Variants in SNX25 observed in about 807,000 individuals in gnomAD.
SNX25 encodes sorting nexin-25.
Under a neutral mutation model 113.7 loss-of-function variants are expected in SNX25, and 62 were observed. The ratio of observed to expected loss-of-function variants is 0.55; its 90% CI spans 0.44 to 0.67. The LOEUF (loss-of-function observed/expected upper bound fraction) is 0.67. Ranked by LOEUF, SNX25 falls within the 30% of genes least tolerant of loss-of-function variation. SNX25 has a pLI of 0.00. For synonymous variants in SNX25, 421 were observed against 436.2 expected (o/e 0.97, Z 0.43); for missense variants, 1,014 against 1,161.0 (o/e 0.87, Z 1.84).
At chr4:185,253,043 T>A (rs1386616880) in intron 2 of SNX25, among the ~76,000 whole-genome samples, 1 of 151,726 alleles carries the variant, frequency 6.6e-6, no homozygotes, top group Non-Finnish European at 1.5e-5. Flanking sequence ...AAAGCTACAT[T>A]TACCAGAAAA....
At chr4:185,283,383 G>A (rs1032585352) in intron 5 of SNX25, among the ~76,000 whole-genome samples, 2 of 152,204 alleles carry the variant, frequency 1.3e-5, no homozygotes, top group African/African-American at 4.8e-5. Flanking sequence ...AAGGGGAAGT[G>A]ATGGTGTGCA....
intron 6 of SNX25, among the ~76,000 whole-genome samples, chr4:185,294,336 C>T (rs1460991409): frequency 6.6e-6 from 1 of 152,166 alleles, no homozygotes; most frequent in African/African-American, 2.4e-5. Context: ...TTCAAGTTCT[C>T]TTGTGCTGCT....
intron 1 of SNX25, among the ~76,000 whole-genome samples, chr4:185,237,636 G>A (rs1379110705): frequency 1.3e-5 from 2 of 152,066 alleles, no homozygotes; most frequent in African/African-American, 2.4e-5. Context: ...CAGACTAGAC[G>A]CCCACGGCTT....
intron 2 of SNX25, among the ~76,000 whole-genome samples, chr4:185,257,977 T>C (rs1746698687): frequency 6.6e-6 from 1 of 152,166 alleles, no homozygotes; most frequent in South Asian, 2.1e-4. Context: ...TAAATAATTA[T>C]TAATGTACAA....
intron 2 of SNX25, among the ~76,000 whole-genome samples, chr4:185,255,391 C>T (rs142143926): frequency 1.0e-3 from 152 of 152,274 alleles, no homozygotes; most frequent in African/African-American, 3.4e-3. Context: ...GCCTCAGCCT[C>T]CCAAAGTGCT....
At chr4:185,359,088 C>T (rs1288957165) in intron 16 of SNX25, among the ~76,000 whole-genome samples, 7 of 152,200 alleles carry the variant, frequency 4.6e-5, no homozygotes, top group South Asian at 4.1e-4. Flanking sequence ...CACAGTGGCT[C>T]ATGCCTATAA....
At chr4:185,302,678 T>C (rs1430040746) in intron 6 of SNX25, among the ~76,000 whole-genome samples, 1 of 152,220 alleles carries the variant, frequency 6.6e-6, no homozygotes, top group Non-Finnish European at 1.5e-5. Context: ...TGCCAGCACC[T>C]TGCTTGTGGA....
chr4:185,264,909 T>C (rs2126541321), intron 4 of SNX25, among the ~76,000 whole-genome samples: 1 of 152,266 alleles, frequency 6.6e-6, no homozygotes, highest in Admixed American at 6.5e-5. Context: ...TATACATTAA[T>C]GAAAGTATGT....
chr4:185,302,115 T>TC (rs1753783950), intron 6 of SNX25, among the ~76,000 whole-genome samples: 2 of 150,164 alleles, frequency 1.3e-5, no homozygotes, highest in Non-Finnish European at 3.0e-5. Context: ...TTTTTTTTTT[T>TC]AGTAGAGACA....
chr4:185,302,514 T>G (rs78689147), intron 6 of SNX25, among the ~76,000 whole-genome samples: 1 of 152,292 alleles, frequency 6.6e-6, no homozygotes, highest in African/African-American at 2.4e-5. Context: ...ACACATTTGG[T>G]CACAGAAGTC....
chr4:185,375,713 T>G, the SNX25 span: 13 of 1,605,890 alleles, frequency 8.1e-6, no homozygotes, highest in Admixed American at 1.7e-5. Flanking sequence ...TTCTAATGCT[T>G]CTTCATACCA....
chr4:185,302,930 G>A (rs1290768224), intron 6 of SNX25, among the ~76,000 whole-genome samples: 4 of 152,088 alleles, frequency 2.6e-5, no homozygotes, highest in African/African-American at 4.8e-5. Flanking sequence ...CTGTGGGCTC[G>A]GGCACTTCCA....
Position 185,363,480 on chromosome 4 carries a change from A to G in SNX25, c.*15A>G, listed in dbSNP as rs781743497. 2 of 1,612,256 alleles carry G rather than the reference A, an allele frequency of 1.2e-6. No individual in the cohort carries two copies. The highest frequency in any genetic ancestry group is 1.1e-5 in the South Asian group (1 of 91,058). Reference sequence around the variant, plus strand: ...GCCAAGTTTGAGACTACACAAATAAACCACCAGAAAAATGTCTGTGTAATA... The same window carrying G: ...GCCAAGTTTGAGACTACACAAATAAGCCACCAGAAAAATGTCTGTGTAATA... On this transcript the variant is annotated 3_prime_UTR_variant, in exon 19 of 19. Coordinates refer to ENST00000652585, the MANE Select transcript of SNX25 (RefSeq NM_001378034.2). This position sits in a 1 kb window ranked among gnomAD's most constrained non-coding sequence, Gnocchi z 4.2.
rs761725288 is a variant in SNX25, at chr4:185,310,699, C to T, written c.1227C>T (p.Asn409=). The T allele has an allele frequency of 8.4e-5, 136 of 1,614,042 alleles. 2 individuals carry two copies. In the South Asian group the frequency reaches 1.4e-3, roughly 17 times the overall value. ...CCAGGAACATGAAGAGGTACATCAA[C>T]CAACTGACTGTGGCAAAGAAGCAGT... The part of the protein sequence containing the change: ...LRARNMKRYI[N]QLTVAKKQCE... The change falls in exon 7 of 19, where the codon AAC becomes AAT. Residue 409 remains asparagine (N), a synonymous_variant. Transcript: ENST00000652585.
At chr4:185,357,866 A>G (rs181003577) in intron 16 of SNX25, 129 bp downstream of exon 16, 211 of 773,384 alleles carry the variant, frequency 2.7e-4, no homozygotes, top group African/African-American at 2.4e-3. Flanking sequence ...TTCGTTTCTG[A>G]TATGATTCTA....
At chr4:185,240,434 C>T (rs1220425535) in intron 1 of SNX25, among the ~76,000 whole-genome samples, 20 of 148,738 alleles carry the variant, frequency 1.3e-4, no homozygotes, top group Non-Finnish European at 2.4e-4. Flanking sequence ...GGCGGCTGGC[C>T]GGGCAGAGGG....
At chr4:185,368,362 C>T (rs894345632), downstream of SNX25, among the ~76,000 whole-genome samples, 3 of 152,094 alleles carry the variant, frequency 2.0e-5, no homozygotes, top group Non-Finnish European at 2.9e-5. Context: ...GCCTCCAGGT[C>T]CCAGTTACCA....
At chr4:185,357,285 T>C (rs1219721903) in intron 15 of SNX25, among the ~76,000 whole-genome samples, 1 of 152,224 alleles carries the variant, frequency 6.6e-6, no homozygotes, top group East Asian at 1.9e-4. Context: ...ATGTTTCTCA[T>C]TCAGCAGTGT....
At chr4:185,212,491 G>GTGTTTGTT (rs546083196) in intron 1 of SNX25, among the ~76,000 whole-genome samples, 1 of 104,944 alleles carries the variant, frequency 9.5e-6, no homozygotes, top group Admixed American at 1.1e-4. Flanking sequence ...GTGTGTGTGT[G>GTGTTTGTT]TTTTTTTTTT....
Sources: gnomAD v4.1 joint callset for allele counts (sites outside exome capture counted in the v4.1 genomes callset) on GRCh38, gnomAD v4.1.1 for gene constraint, Gnocchi (gnomAD v3.1) non-coding constraint, MANE v1.5 for transcripts, NCBI Gene and HGNC (gene_info 2026-07-23, HGNC 2026-07-21) for gene names.